Variants in ACACB observed in about 807,000 individuals in gnomAD.
ACACB encodes the protein acetyl-CoA carboxylase 2.
ACACB carries 209 observed loss-of-function variants against 278.8 expected under a neutral mutation model. The ratio of observed to expected loss-of-function variants is 0.75; its 90% confidence interval spans 0.67 to 0.84. The LOEUF (loss-of-function observed/expected upper bound fraction) is 0.84, where lower values mean the gene tolerates loss of function less well. ACACB is among the 40% of genes least tolerant of loss of function. The pLI is 0.00. For synonymous variants in ACACB, 1,174 were observed against 1,285.6 expected (o/e 0.91, Z 1.86); for missense variants, 2,850 against 3,269.0 (o/e 0.87, Z 3.13).
At position 109,260,628 on chromosome 12, in the gene ACACB, C is replaced by T. The variant is rs2047354224; in HGVS notation, c.6645C>T (p.Cys2215=). Residue 2215 remains cysteine, a synonymous_variant, in exon 48 of 53, where the codon TGC becomes TGT. Coordinates refer to ENST00000338432, the MANE Select transcript of ACACB (RefSeq NM_001093.4). ...VVIDATINPL[C]IEMYADKESR... ...TAGATGCCACCATCAACCCGCTGTG[C>T]ATAGAAATGTATGCAGACAAAGAGA... is the stretch of plus-strand genomic sequence containing the variant. 1.3e-6 allele frequency: 2 copies of T among 1,598,630 alleles called. No homozygotes were observed. Among genetic ancestry groups the T allele is most frequent in the East Asian group, 2.2e-5 (1 of 44,702 alleles).
chr12:109,253,856 A>G (rs776050954), intron 43 of ACACB, among the ~76,000 whole-genome samples: 4 of 152,150 alleles, frequency 2.6e-5, no homozygotes, highest in Admixed American at 6.5e-5. Flanking sequence ...TCTGCATGCC[A>G]TCTGTTACCA....
Position 109,232,822 on chromosome 12 carries a change from C to T in ACACB, c.4139+16C>T, listed in dbSNP as rs765629638. On this transcript the variant is annotated intron_variant, in intron 29 of 52. Transcript: ENST00000338432. ...ACTTCACCAGGTACCCAGCATGGCC[C>T]GGTCTCCAACACCCTGAGCATGGGG... is the stretch of plus-strand genomic sequence containing the variant. The T allele has an allele frequency of 2.4e-5, 39 of 1,613,558 alleles. No individual in the cohort carries two copies. Among genetic ancestry groups the T allele is most frequent in the South Asian group, 1.1e-4 (10 of 91,026 alleles).
At chr12:109,117,180 C>A (rs528169664) in intron 1 of ACACB, among the ~76,000 whole-genome samples, 1 of 149,520 alleles carries the variant, frequency 6.7e-6, no homozygotes, top group Non-Finnish European at 1.5e-5. Context: ...GCCAACATGG[C>A]GAAACCCCAT....
intron 2 of ACACB, 27 bp downstream of exon 2, chr12:109,140,085 G>A: frequency 6.5e-7 from 1 of 1,549,242 alleles, no homozygotes; most frequent in Non-Finnish European, 8.7e-7. Flanking sequence ...CCTTGTAACT[G>A]AGGAGTGCAG....
intron 16 of ACACB, among the ~76,000 whole-genome samples, chr12:109,193,936 A>G (rs556582845): frequency 1.3e-5 from 2 of 152,358 alleles, no homozygotes; most frequent in South Asian, 4.1e-4. Flanking sequence ...TGCAGAGGGC[A>G]CAATGGAGCG....
At chr12:109,169,868 C>T (rs1246582695) in intron 4 of ACACB, among the ~76,000 whole-genome samples, 1 of 152,164 alleles carries the variant, frequency 6.6e-6, no homozygotes, top group African/African-American at 2.4e-5. Flanking sequence ...TCCCCGTTGG[C>T]CGACACTTCT....
In ACACB at chr12:109,266,463, A is replaced by G; in HGVS notation, c.*101A>G. The G allele has an allele frequency of 7.2e-7, 1 of 1,388,830 alleles. No homozygotes were observed. Among genetic ancestry groups the G allele is most frequent in the Non-Finnish European group, 9.4e-7 (1 of 1,059,750 alleles). 86.0% of individuals were successfully genotyped at this position (1,388,830 alleles called of 1,614,324 possible). On this transcript the variant is annotated 3_prime_UTR_variant, in exon 53 of 53. Transcript: ENST00000338432. Reference sequence around the variant, plus strand: ...GACCCTGAAGACTTGCTTTTAAACAAAGAAAATCCTGGGCACTTCTGCAGG... The same window carrying G: ...GACCCTGAAGACTTGCTTTTAAACAGAGAAAATCCTGGGCACTTCTGCAGG...
chr12:109,195,756 G>A (rs2045101867), intron 16 of ACACB, among the ~76,000 whole-genome samples: 1 of 151,830 alleles, frequency 6.6e-6, no homozygotes, highest in Non-Finnish European at 1.5e-5. Context: ...CTAAACTCAT[G>A]TCTGTGGCAC....
intron 19 of ACACB, among the ~76,000 whole-genome samples, chr12:109,202,992 A>C (rs1268575618): frequency 6.6e-6 from 1 of 152,106 alleles, no homozygotes; most frequent in Non-Finnish European, 1.5e-5. Flanking sequence ...GAAACTTGAC[A>C]CTCGTTAAAT....
At position 109,246,248 on chromosome 12, in the gene ACACB, A is replaced by G. The variant is rs200927603; in HGVS notation, c.5371A>G (p.Ile1791Val). 1.2e-6 allele frequency: 2 copies of G among 1,613,628 alleles called. No individual in the cohort carries two copies. The highest frequency in any genetic ancestry group is 2.2e-5 in the East Asian group (1 of 44,884). ...CCCGGAAGGACGGGATGTGATCGTC[A>G]TCGGCAATGACATCACCTTTCGCAT... ...EYPEGRDVIVIGNDITFRIGS... is the reference protein window; with the variant it reads ...EYPEGRDVIVVGNDITFRIGS... Residue 1791 changes from isoleucine to valine, a missense_variant, in exon 39 of 53, where the codon ATC becomes GTC. Physicochemically the swap from Ile to Val is conservative, Grantham distance 29. Around this residue, in one of 3 missense-constraint regions of ACACB, gnomAD observed 2,265 missense variants for 2,561.3 expected, o/e 0.88. Transcript: ENST00000338432.
At chr12:109,215,091 G>T (rs1257298616) in intron 22 of ACACB, among the ~76,000 whole-genome samples, 1 of 149,108 alleles carries the variant, frequency 6.7e-6, no homozygotes, top group South Asian at 2.1e-4. Context: ...ACAAAACCTC[G>T]TCTCAAAAAA....
intron 1 of ACACB, among the ~76,000 whole-genome samples, chr12:109,124,871 T>A (rs1165818703): frequency 2.6e-5 from 4 of 152,162 alleles, no homozygotes; most frequent in African/African-American, 9.7e-5. Flanking sequence ...CTCGCCACCA[T>A]GCCTGGCTAA....
At chr12:109,242,935 C>T (rs2046842008) in intron 37 of ACACB, among the ~76,000 whole-genome samples, 1 of 151,866 alleles carries the variant, frequency 6.6e-6, no homozygotes, top group African/African-American at 2.4e-5. Flanking sequence ...CACTGCACTC[C>T]AGGCTGGGTG....
intron 13 of ACACB, among the ~76,000 whole-genome samples, chr12:109,190,730 C>G (rs2044844290): frequency 6.6e-6 from 1 of 151,636 alleles, no homozygotes; most frequent in Non-Finnish European, 1.5e-5. Context: ...TGGGCTCAAG[C>G]GATCCTCCCC....
Position 109,209,301 on chromosome 12 carries a change from C to T in ACACB, c.3197C>T (p.Ala1066Val). The stretch of plus-strand genomic sequence containing the variant: ...GAGAAGTCTGTCCGCAGGGTGATGG[C>T]CCAGTATGCCAGCAACATCACCTCG... ...PVEKSVRRVM[A>V]QYASNITSVL... Residue 1066 changes from alanine (A) to valine (V), a missense_variant, in exon 21 of 53, where the codon GCC becomes GTC. Transcript: ENST00000338432. The T allele has an allele frequency of 6.2e-7, 1 of 1,612,596 alleles. No homozygotes were observed. The highest frequency in any genetic ancestry group is 8.5e-7 in the Non-Finnish European group (1 of 1,179,986).
intron 12 of ACACB, among the ~76,000 whole-genome samples, chr12:109,186,910 C>G (rs2044681970): frequency 6.6e-6 from 1 of 152,128 alleles, no homozygotes; most frequent in African/African-American, 2.4e-5. Flanking sequence ...CTCCCCAAAT[C>G]CTTCATCCCT....
chr12:109,205,092 G>A (rs1385070927), intron 19 of ACACB, among the ~76,000 whole-genome samples: 8 of 152,108 alleles, frequency 5.3e-5, no homozygotes, highest in African/African-American at 1.7e-4. Context: ...GGCCTCAAGC[G>A]ATCCGTCCAC....
intron 21 of ACACB, among the ~76,000 whole-genome samples, chr12:109,209,776 T>C (rs2136393255): frequency 6.6e-6 from 1 of 150,444 alleles, no homozygotes; most frequent in East Asian, 2.0e-4. Flanking sequence ...TATGTGTGTG[T>C]GTGTGTGTAT....
rs537462841 is a variant in ACACB at position 109,174,261 on chromosome 12, G to T, written c.1216+31G>T. On this transcript the variant is annotated intron_variant, in intron 7 of 52. Coordinates refer to ENST00000338432, the MANE Select transcript of ACACB (RefSeq NM_001093.4). Reference sequence around the variant, plus strand: ...GGACCCCGAGCTTCCCTCTGGGGGAGCTTCTCAGCCCAGTCTTGATAATGT... The same window carrying T: ...GGACCCCGAGCTTCCCTCTGGGGGATCTTCTCAGCCCAGTCTTGATAATGT... The T allele has an allele frequency of 5.1e-6, 8 of 1,556,694 alleles. No individual in the cohort carries two copies. The East Asian group carries it at 1.6e-4, about 31-fold the overall frequency.
Sources: gnomAD v4.1 joint callset for allele counts (sites outside exome capture counted in the v4.1 genomes callset) on GRCh38, gnomAD v4.1.1 for gene constraint, gnomAD v4.1.1 regional missense constraint, MANE v1.5 for transcripts, NCBI Gene and HGNC (gene_info 2026-07-23, HGNC 2026-07-21) for gene names.